The following CTNND1 variants were observed in gnomAD, a reference collection of about 807,000 sequenced individuals.
CTNND1 encodes the protein catenin delta 1.
Under a neutral mutation model 112.1 loss-of-function variants are expected in CTNND1, and 16 were observed. The observed-to-expected ratio is 0.14, with a 90% CI of 0.10 to 0.22. CTNND1 has a LOEUF of 0.22. Among genes scored for constraint, CTNND1 ranks in the 10% least tolerant of loss-of-function variants. The pLI, the probability that CTNND1 is intolerant of heterozygous loss-of-function variation, is 1.00. For synonymous variants in CTNND1, 420 were observed against 446.5 expected, an observed-to-expected ratio of 0.94 and a Z score of 0.75; for missense variants, 1,008 against 1,257.0, an observed-to-expected ratio of 0.80 and a Z score of 3.00.
intron 12 of CTNND1, among the ~76,000 whole-genome samples, chr11:57,807,891 C>CA (rs1555063643): frequency 6.6e-6 from 1 of 151,950 alleles, no homozygotes; most frequent in Non-Finnish European, 1.5e-5. Context: ...GAACCAAAGG[C>CA]AAAGCTATGG....
At chr11:57,798,578 G>T (rs1023112191) in intron 6 of CTNND1, among the ~76,000 whole-genome samples, 1 of 152,100 alleles carries the variant, frequency 6.6e-6, no homozygotes, top group Admixed American at 6.6e-5. Context: ...GGGGTCGGGG[G>T]ATACATTAGC....
chr11:57,804,928 T>C, intron 9 of CTNND1, 148 bp downstream of exon 9: 1 of 613,150 alleles, frequency 1.6e-6, no homozygotes, highest in Middle Eastern at 4.5e-4. Flanking sequence ...AGACAGAGTC[T>C]TGCTCTGTTG....
intron 10 of CTNND1, 61 bp downstream of exon 10, chr11:57,806,096 T>G: frequency 6.5e-7 from 1 of 1,532,178 alleles, no homozygotes; most frequent in Non-Finnish European, 8.8e-7. Context: ...AGGAACACTT[T>G]AGCTTAAGGT....
At chr11:57,806,323 C>A in intron 10 of CTNND1, 138 bp from the exon 11 acceptor site, 2 of 903,880 alleles carry the variant, frequency 2.2e-6, no homozygotes, top group South Asian at 3.2e-5. Context: ...CCCATACGTC[C>A]TTTGCATTTT....
At chr11:57,778,727 T>C (rs1362417166) in intron 1 of CTNND1, among the ~76,000 whole-genome samples, 1 of 152,196 alleles carries the variant, frequency 6.6e-6, no homozygotes. Context: ...TATTTGTTTG[T>C]TTCTGGGAGA....
At position 57,795,728 on chromosome 11, in the gene CTNND1, C is replaced by T. The variant is rs200594061; in HGVS notation, c.419C>T (p.Thr140Met). 150 of 1,589,876 alleles carry T rather than the reference C, an allele frequency of 9.4e-5. No individual in the cohort carries two copies. Among genetic ancestry groups the T allele is most frequent in the African/African-American group, 3.5e-4 (26 of 73,386 alleles). The change falls in exon 5 of 21, where the codon ACG becomes ATG. Residue 140 changes from threonine to methionine, a missense_variant and splice_region_variant. Thr to Met is a moderately conservative substitution (Grantham distance 81). Transcript: ENST00000399050. ...GGGACCACTCGGCGCACAGAGACCA[C>T]GGTAAACTAAGACGTGTGTAAGATC... ...DDGTTRRTET[T>M]VKKVVKTVTT...
At chr11:57,786,017 A>T (rs1018923230) in intron 1 of CTNND1, among the ~76,000 whole-genome samples, 1 of 152,048 alleles carries the variant, frequency 6.6e-6, no homozygotes, top group African/African-American at 2.4e-5. Flanking sequence ...ACTATGGACT[A>T]TGGACTCTGG....
chr11:57,806,100 T>G (rs2062629650), intron 10 of CTNND1, 65 bp downstream of exon 10: 1 of 1,528,944 alleles, frequency 6.5e-7, no homozygotes, highest in African/African-American at 1.4e-5. Context: ...ACACTTTAGC[T>G]TAAGGTACAA....
chr11:57,783,431 G>A lies in CTNND1; in HGVS notation c.-213-5606G>A, dbSNP rs561510640. Among the ~76,000 whole-genome samples the A allele has an allele frequency of 5.3e-5, 8 of 152,266 alleles. 1 individual carries two copies. The highest frequency in any genetic ancestry group is 2.1e-4 in the South Asian group (1 of 4,828). On this transcript the variant is annotated intron_variant, in intron 1 of 20. Coordinates refer to ENST00000399050, the MANE Select transcript of CTNND1 (RefSeq NM_001085458.2). ...TCCCAGCACTTTGGAAGGCCGCGGC[G>A]GGTGGATCACGAGGTCAGGAGATCG...
intron 1 of CTNND1, among the ~76,000 whole-genome samples, chr11:57,773,559 C>T (rs1364772325): frequency 6.6e-6 from 1 of 150,994 alleles, no homozygotes; most frequent in Non-Finnish European, 1.5e-5. Flanking sequence ...TCAAGTGATT[C>T]TCCTGTCTCA....
At chr11:57,801,177 A>G (rs1172049580) in intron 6 of CTNND1, among the ~76,000 whole-genome samples, 4 of 152,228 alleles carry the variant, frequency 2.6e-5, no homozygotes, top group East Asian at 3.8e-4. Flanking sequence ...GTTTTTCTCT[A>G]TCAATCCATC....
chr11:57,789,248 C>G (rs1400491264), intron 2 of CTNND1, 93 bp downstream of exon 2: 3 of 861,368 alleles, frequency 3.5e-6, no homozygotes, highest in Non-Finnish European at 5.0e-6. Context: ...AGAAAAAAAT[C>G]TTTTTAAATA....
At chr11:57,785,564 G>A (rs925307913) in intron 1 of CTNND1, among the ~76,000 whole-genome samples, 11 of 152,000 alleles carry the variant, frequency 7.2e-5, no homozygotes, top group Admixed American at 1.3e-4. Context: ...GTGTGTGTGT[G>A]TGGGGTACTG....
At position 57,796,568 on chromosome 11, in the gene CTNND1, T is replaced by C; in HGVS notation, c.532T>C (p.Leu178=). Residue 178 remains leucine, a synonymous_variant, in exon 6 of 21, where the codon TTG becomes CTG. Coordinates refer to ENST00000399050, the MANE Select transcript of CTNND1 (RefSeq NM_001085458.2). ...AGTTTCTAACAACTATATCCAGACT[T>C]TGGGTCGTGATTTCCGCAAGAATGG... ...SSVSNNYIQT[L]GRDFRKNGNG... 2 of 1,613,894 alleles carry C rather than the reference T, an allele frequency of 1.2e-6. No homozygotes were observed. The highest frequency in any genetic ancestry group is 1.7e-6 in the Non-Finnish European group (2 of 1,179,870).
chr11:57,769,501 A>G (rs149139814), intron 1 of CTNND1, among the ~76,000 whole-genome samples: 47 of 151,664 alleles, frequency 3.1e-4, no homozygotes, highest in Non-Finnish European at 5.7e-4. Context: ...TCAGTTCCTC[A>G]CATTTATTTT....
At chr11:57,774,114 C>T (rs573133033) in intron 1 of CTNND1, among the ~76,000 whole-genome samples, 4 of 152,218 alleles carry the variant, frequency 2.6e-5, no homozygotes, top group South Asian at 2.1e-4. Context: ...TTTTGCTATT[C>T]GCTTGCTCTT....
rs1238818682 is a variant in CTNND1 at position 57,805,982 on chromosome 11, C to G, written c.1823C>G (p.Ala608Gly). 10 of 1,612,426 alleles carry G rather than the reference C, an allele frequency of 6.2e-6. No homozygotes were observed. The highest frequency in any genetic ancestry group is 7.6e-6 in the Non-Finnish European group (9 of 1,179,258). Residue 608 changes from alanine (A) to glycine (G), a missense_variant, in exon 10 of 21, where the codon GCC becomes GGC. By Grantham distance (60) the Ala-to-Gly change is moderately conservative (BLOSUM62 0). This residue lies in a region of CTNND1 where 254 missense variants were observed against 279.5 expected (regional missense o/e 0.91). Transcript: ENST00000399050. ...ERYQEAAPNV[A>G]NNTGPHAASC... ...TACCAAGAGGCAGCTCCCAATGTTGCCAACAATACTGGGCCACATGCTGCC... is the reference window on the plus strand; with the variant it reads ...TACCAAGAGGCAGCTCCCAATGTTGGCAACAATACTGGGCCACATGCTGCC...
At chr11:57,780,013 A>AC (rs1262597071) in intron 1 of CTNND1, among the ~76,000 whole-genome samples, 1 of 151,740 alleles carries the variant, frequency 6.6e-6, no homozygotes, top group East Asian at 1.9e-4. Flanking sequence ...TCCGTAAAAA[A>AC]AATGTCAACT....
intron 1 of CTNND1, among the ~76,000 whole-genome samples, chr11:57,771,152 A>G (rs1952483490): frequency 6.6e-6 from 1 of 152,004 alleles, no homozygotes; most frequent in African/African-American, 2.4e-5. Context: ...TTTTTCTAAA[A>G]TTTAACTTTT....
Sources: allele counts gnomAD v4.1 joint callset (sites outside exome capture counted in the v4.1 genomes callset), GRCh38; gene constraint gnomAD v4.1.1; regional missense constraint gnomAD v4.1.1; transcripts MANE v1.5; gene names NCBI Gene and HGNC (gene_info 2026-07-23, HGNC 2026-07-21).